FGF13: variants seen among roughly 807,000 people sequenced by gnomAD.
FGF13 encodes fibroblast growth factor homologous factor 2.
FGF13 carries 2 observed loss-of-function variants against 19.5 expected under a neutral mutation model. That is an observed-to-expected ratio of 0.10 (90% CI 0.04 to 0.32). The LOEUF (loss-of-function observed/expected upper bound fraction) is 0.32, where lower values mean the gene tolerates loss of function less well. Among genes scored for constraint, FGF13 ranks in the 10% least tolerant of loss-of-function variants. The pLI, the probability that FGF13 is intolerant of heterozygous loss-of-function variation, is 1.00. For missense variants in FGF13, 113 were observed against 192.7 expected (o/e 0.59, Z 2.45); for synonymous variants, 72 against 76.9 (o/e 0.94, Z 0.33).
chrX:138,870,386 A>G (rs1288542678), intron 1 of FGF13, among the ~76,000 whole-genome samples: 1 of 112,083 alleles, frequency 8.9e-6, no homozygotes, highest in African/African-American at 3.2e-5. Flanking sequence ...AGGTTACAAC[A>G]TATCCCGATT....
chrX:139,093,680 C>T (rs1334472566), intron 1 of FGF13, among the ~76,000 whole-genome samples: 1 of 111,864 alleles, frequency 8.9e-6, no homozygotes, highest in Non-Finnish European at 1.9e-5. Context: ...ACTGGGGATG[C>T]TAGTGGTTCC....
At chrX:138,930,677 A>G (rs1402385609) in intron 1 of FGF13, among the ~76,000 whole-genome samples, 1 of 112,330 alleles carries the variant, frequency 8.9e-6, no homozygotes, top group Non-Finnish European at 1.9e-5. Context: ...GTCCCCATGC[A>G]GTTATATGGC....
chrX:138,976,710 T>G (rs998414171), intron 1 of FGF13, among the ~76,000 whole-genome samples: 7 of 84,761 alleles, frequency 8.3e-5, no homozygotes, highest in African/African-American at 2.9e-4. Context: ...TAGAGAAATT[T>G]TAAAATATTT....
chrX:139,042,531 A>G lies in FGF13; in HGVS notation c.-113+160885T>C, dbSNP rs1258358580. On this transcript the variant is annotated intron_variant, in intron 1 of 2. Transcript: ENST00000421460. The stretch of plus-strand genomic sequence containing the variant: ...CGAAACTGACAAATATAATGCAATT[A>G]TTGCAGTGTATGTTGTCTAGCTATT... 5.4e-5 allele frequency among the ~76,000 whole-genome samples: 6 copies of G among 110,645 alleles called. 1 individual carries two copies. Among genetic ancestry groups the G allele is most frequent in the Non-Finnish European group, 7.6e-5 (4 of 52,854 alleles).
chrX:138,831,650 T>C (rs1348912305), intron 3 of FGF13, among the ~76,000 whole-genome samples: 2 of 111,755 alleles, frequency 1.8e-5, no homozygotes, highest in African/African-American at 6.5e-5. Context: ...ATGTTGTTAT[T>C]TTTTCCTTGC....
intron 3 of FGF13, among the ~76,000 whole-genome samples, chrX:138,804,376 C>T (rs1005061472): frequency 1.6e-4 from 18 of 111,963 alleles, no homozygotes; most frequent in African/African-American, 5.5e-4. Flanking sequence ...CTTCCTGCCA[C>T]CATCATTATC....
chrX:138,926,470 G>C (rs1018548458), intron 1 of FGF13, among the ~76,000 whole-genome samples: 1 of 111,919 alleles, frequency 8.9e-6, no homozygotes, highest in African/African-American at 3.2e-5. Context: ...AACAAGGAGT[G>C]CCAGAGTGGG....
intron 1 of FGF13, among the ~76,000 whole-genome samples, chrX:138,930,621 G>C (rs1352775393): frequency 8.9e-6 from 1 of 111,860 alleles, no homozygotes; most frequent in Non-Finnish European, 1.9e-5. Context: ...ATGAATCTAA[G>C]ACCCTATGCT....
At chrX:139,113,923 T>C (rs2083621207) in intron 1 of FGF13, among the ~76,000 whole-genome samples, 1 of 111,970 alleles carries the variant, frequency 8.9e-6, no homozygotes, top group Non-Finnish European at 1.9e-5. Flanking sequence ...TCTCAGATTC[T>C]CCGGTGTCTC....
rs2089084953 is a variant in FGF13 at position 138,628,414 on chromosome X, A to G, written c.*4436T>C. ...TGACAATCACAGCCCTGCTGTAATC[A>G]ATTTCTAAAGTGAGAAAATGGCTTT... On this transcript the variant is annotated 3_prime_UTR_variant, in exon 5 of 5. Transcript: ENST00000315930. 8.9e-6 allele frequency: 1 copy of G among 112,259 alleles called. No homozygotes were observed. The highest frequency in any genetic ancestry group is 1.9e-5 in the Non-Finnish European group (1 of 53,270). 9.3% of individuals were successfully genotyped at this position (112,259 alleles called of 1,213,427 possible).
chrX:139,014,257 C>G (rs2092143756), intron 1 of FGF13, among the ~76,000 whole-genome samples: 2 of 110,828 alleles, frequency 1.8e-5, no homozygotes, highest in South Asian at 7.5e-4. Context: ...TAATAAACAG[C>G]AAGAGCAGAA....
At chrX:139,124,389 C>T (rs2083700095) in intron 1 of FGF13, among the ~76,000 whole-genome samples, 1 of 112,084 alleles carries the variant, frequency 8.9e-6, no homozygotes. Flanking sequence ...TCTCACTTCC[C>T]TCTAAGTCTT....
chrX:138,878,151 T>A (rs1011165954), intron 1 of FGF13, among the ~76,000 whole-genome samples: 20 of 110,938 alleles, frequency 1.8e-4, no homozygotes, highest in South Asian at 3.9e-4. Context: ...ATTTTTTTTT[T>A]AATTTTATTA....
chrX:139,142,518 A>G (rs1183610660), intron 1 of FGF13, among the ~76,000 whole-genome samples: 4 of 111,294 alleles, frequency 3.6e-5, no homozygotes, highest in Non-Finnish European at 7.5e-5. Context: ...TCTAATTCTT[A>G]ACAGTTTGGG....
At chrX:138,849,886 C>T (rs767126900) in intron 3 of FGF13, among the ~76,000 whole-genome samples, 5 of 111,726 alleles carry the variant, frequency 4.5e-5, no homozygotes, top group African/African-American at 1.3e-4. Flanking sequence ...TGTCATTCAT[C>T]TAGTAGAACT....
intron 1 of FGF13, among the ~76,000 whole-genome samples, chrX:139,086,186 G>A (rs1161085835): frequency 9.0e-6 from 1 of 111,498 alleles, no homozygotes; most frequent in Non-Finnish European, 1.9e-5. Flanking sequence ...CTAGCCCTTA[G>A]TCTCTAAGTC....
chrX:138,751,386 G>A (rs1262793423), intron 3 of FGF13, among the ~76,000 whole-genome samples: 1 of 111,152 alleles, frequency 9.0e-6, no homozygotes, highest in African/African-American at 3.3e-5. Context: ...CATGCTCAGA[G>A]GCATAGGCAG....
At chrX:138,801,381 A>G (rs1231630181) in intron 3 of FGF13, among the ~76,000 whole-genome samples, 1 of 112,081 alleles carries the variant, frequency 8.9e-6, no homozygotes, top group Non-Finnish European at 1.9e-5. Flanking sequence ...AGTCCATGCC[A>G]GGTCCTGTTT....
At chrX:139,015,123 A>G (rs1392880827) in intron 1 of FGF13, among the ~76,000 whole-genome samples, 2 of 111,298 alleles carry the variant, frequency 1.8e-5, no homozygotes, top group African/African-American at 3.3e-5. Flanking sequence ...ATGAATGGGG[A>G]AAAAACTGAT....
Sources: allele counts gnomAD v4.1 joint callset (sites outside exome capture counted in the v4.1 genomes callset), GRCh38; gene constraint gnomAD v4.1.1; transcripts MANE v1.5; gene names NCBI Gene and HGNC (gene_info 2026-07-23, HGNC 2026-07-21).